CSMD3: variants seen among roughly 807,000 people sequenced by gnomAD.
CSMD3 encodes CUB and sushi domain-containing protein 3.
Under a neutral mutation model 435.2 loss-of-function variants are expected in CSMD3, and 177 were observed. The observed-to-expected ratio is 0.41, with a 90% CI of 0.36 to 0.46. The LOEUF (loss-of-function observed/expected upper bound fraction) is 0.46, where lower values mean the gene tolerates loss of function less well. CSMD3 is among the 20% of genes least tolerant of loss of function. The pLI, the probability that CSMD3 is intolerant of heterozygous loss-of-function variation, is 0.34. For synonymous variants in CSMD3, 1,656 were observed against 1,520.5 expected (o/e 1.09, Z -2.07); for missense variants, 4,265 against 4,504.6 (o/e 0.95, Z 1.52).
rs749533537 is a variant in CSMD3 at position 113,173,845 on chromosome 8, C to G, written c.586G>C (p.Val196Leu). Residue 196 changes from valine (V) to leucine (L), a missense_variant, in exon 4 of 71, where the codon GTC becomes CTC. Val to Leu is a conservative substitution (Grantham distance 32, BLOSUM62 1). This residue lies in a region of CSMD3 where 731 missense variants were observed against 755.4 expected (regional missense o/e 0.97). Transcript: ENST00000297405. ...KGVLYGTRFD[V>L]GDKIRYSCVT... The stretch of plus-strand genomic sequence containing the variant: ...CAGCTGTAGCGGATCTTGTCCCCGA[C>G]GTCGAATCTTGTGCCATATAATACA... The G allele has an allele frequency of 6.2e-7, 1 of 1,613,862 alleles. No individual in the cohort carries two copies. The highest frequency in any genetic ancestry group is 8.5e-7 in the Non-Finnish European group (1 of 1,179,842).
chr8:113,293,715 G>A (rs1360444705), intron 2 of CSMD3, among the ~76,000 whole-genome samples: 2 of 151,882 alleles, frequency 1.3e-5, no homozygotes, highest in South Asian at 4.1e-4. Flanking sequence ...TTTATAACAA[G>A]TTCCCTTTAT....
intron 3 of CSMD3, among the ~76,000 whole-genome samples, chr8:113,244,343 T>C (rs2093253292): frequency 6.6e-6 from 1 of 152,152 alleles, no homozygotes; most frequent in Admixed American, 6.6e-5. Context: ...TGAGACGGAG[T>C]CTCATGCTGT....
chr8:113,264,389 T>C (rs1001416684), intron 3 of CSMD3, among the ~76,000 whole-genome samples: 1 of 140,200 alleles, frequency 7.1e-6, no homozygotes, highest in Non-Finnish European at 1.5e-5. Context: ...GTATAACACA[T>C]TCAACTATAT....
chr8:113,362,551 G>A (rs539238331), intron 1 of CSMD3, among the ~76,000 whole-genome samples: 12 of 152,146 alleles, frequency 7.9e-5, no homozygotes, highest in Admixed American at 2.0e-4. Flanking sequence ...ACAGCATTAT[G>A]TAATATTTTA....
intron 1 of CSMD3, among the ~76,000 whole-genome samples, chr8:113,414,268 A>C (rs1409343715): frequency 6.6e-6 from 1 of 152,190 alleles, no homozygotes; most frequent in Non-Finnish European, 1.5e-5. Context: ...GACTATATTT[A>C]AAAACAAATA....
chr8:112,916,252 G>A (rs1457949272), intron 10 of CSMD3, among the ~76,000 whole-genome samples: 3 of 151,760 alleles, frequency 2.0e-5, no homozygotes, highest in Admixed American at 6.6e-5. Flanking sequence ...ATTGTTGGAA[G>A]GGCACCCTTG....
chr8:113,165,570 A>G (rs1335252479), intron 4 of CSMD3, among the ~76,000 whole-genome samples: 1 of 152,178 alleles, frequency 6.6e-6, no homozygotes, highest in Non-Finnish European at 1.5e-5. Flanking sequence ...GATTTAAAAA[A>G]TACACAGCTG....
At chr8:112,274,931 T>C (rs1429621464) in intron 59 of CSMD3, among the ~76,000 whole-genome samples, 1 of 152,216 alleles carries the variant, frequency 6.6e-6, no homozygotes, top group East Asian at 1.9e-4. Context: ...CTACGCTGCG[T>C]GGTGTTTTGG....
chr8:113,288,025 G>A (rs890876458), intron 2 of CSMD3, among the ~76,000 whole-genome samples: 1 of 151,718 alleles, frequency 6.6e-6, no homozygotes, highest in African/African-American at 2.4e-5. Flanking sequence ...TTTCAAAGTA[G>A]GTTATTTTCT....
At chr8:112,405,183 C>A (rs1478948914) in intron 35 of CSMD3, among the ~76,000 whole-genome samples, 6 of 6,770 alleles carry the variant, frequency 8.9e-4, no homozygotes, top group African/African-American at 7.8e-4. Flanking sequence ...GACTCTCTCT[C>A]AAAAAAAAAA....
intron 38 of CSMD3, among the ~76,000 whole-genome samples, chr8:112,353,748 T>C (rs914213103): frequency 1.3e-5 from 2 of 152,106 alleles, no homozygotes; most frequent in African/African-American, 4.8e-5. Context: ...CCAGACCAGA[T>C]GGATTTATGG....
chr8:112,684,405 G>A (rs2075967986), intron 15 of CSMD3, among the ~76,000 whole-genome samples: 1 of 152,066 alleles, frequency 6.6e-6, no homozygotes, highest in Admixed American at 6.5e-5. Flanking sequence ...TTGAATAGGT[G>A]AGGGTGGGAG....
At position 113,098,968 on chromosome 8, in the gene CSMD3, TA is replaced by T; in HGVS notation, c.710-6del. The T allele has an allele frequency of 1.3e-6, 2 of 1,582,536 alleles. No homozygotes were observed. Among genetic ancestry groups the T allele is most frequent in the Non-Finnish European group, 1.7e-6 (2 of 1,151,738 alleles). ...TTCCTCCACAAGCATCTTCAGCTGT[TA>T]AAAATGACAAAATATTCAGTTGTAA... On this transcript the variant is annotated splice_polypyrimidine_tract_variant and splice_region_variant and intron_variant, in intron 4 of 70. Coordinates refer to ENST00000297405, the MANE Select transcript of CSMD3 (RefSeq NM_198123.2).
At chr8:113,328,727 C>CTTT (rs1554611986) in intron 1 of CSMD3, among the ~76,000 whole-genome samples, 1 of 87,328 alleles carries the variant, frequency 1.1e-5, no homozygotes, top group Admixed American at 1.6e-4. Context: ...TCTTTCCTTC[C>CTTT]TTCTTTTCTT....
At chr8:112,592,519 C>A (rs139926129) in intron 22 of CSMD3, among the ~76,000 whole-genome samples, 142 of 151,926 alleles carry the variant, frequency 9.3e-4, no homozygotes, top group African/African-American at 3.3e-3. Flanking sequence ...GTTTTTAATG[C>A]ATTTTCTATA....
At chr8:113,002,719 C>A (rs1489192795) in intron 6 of CSMD3, among the ~76,000 whole-genome samples, 1 of 152,040 alleles carries the variant, frequency 6.6e-6, no homozygotes, top group Non-Finnish European at 1.5e-5. Flanking sequence ...GTTATACAAC[C>A]TCTTTCTTGT....
intron 3 of CSMD3, among the ~76,000 whole-genome samples, chr8:113,218,208 G>C (rs187050884): frequency 4.0e-5 from 6 of 149,650 alleles, no homozygotes; most frequent in Admixed American, 6.7e-5. Context: ...CAAAACTATA[G>C]GGAATATTAA....
intron 10 of CSMD3, among the ~76,000 whole-genome samples, chr8:112,892,716 C>G (rs2081835290): frequency 6.6e-6 from 1 of 151,492 alleles, no homozygotes; most frequent in Non-Finnish European, 1.5e-5. Context: ...TAAATGGCAT[C>G]TCAGAGAGGA....
chr8:113,346,239 CAATTTA>C (rs899514637), intron 1 of CSMD3, among the ~76,000 whole-genome samples: 1 of 151,808 alleles, frequency 6.6e-6, no homozygotes, highest in Non-Finnish European at 1.5e-5. Flanking sequence ...AGAATATCCT[CAATTTA>C]AATTTAAATA....
Sources: gnomAD v4.1 joint callset for allele counts (sites outside exome capture counted in the v4.1 genomes callset) on GRCh38, gnomAD v4.1.1 for gene constraint, gnomAD v4.1.1 regional missense constraint, MANE v1.5 for transcripts, NCBI Gene and HGNC (gene_info 2026-07-23, HGNC 2026-07-21) for gene names.